U2AF2: variants seen among roughly 807,000 people sequenced by gnomAD.
U2AF2 encodes the protein U2 small nuclear RNA auxiliary factor 2, also known as splicing factor U2AF 65 kDa subunit.
Under a neutral mutation model 52.6 loss-of-function variants are expected in U2AF2, and 6 were observed. The ratio of observed to expected loss-of-function variants is 0.11; its 90% CI spans 0.06 to 0.23. The LOEUF (loss-of-function observed/expected upper bound fraction) is 0.23. Among genes scored for constraint, U2AF2 ranks in the 10% least tolerant of loss-of-function variants. U2AF2 has a pLI of 1.00. For synonymous variants in U2AF2, 284 were observed against 258.2 expected (o/e 1.10, Z -0.96); for missense variants, 222 against 677.1 (o/e 0.33, Z 7.46).
chr19:55,670,699 C>T (rs1984861266), intron 11 of U2AF2: 1 of 213,376 alleles, frequency 4.7e-6, no homozygotes, highest in Non-Finnish European at 9.6e-6. Context: ...AGTGGCAGGC[C>T]TTGGAGGGCT....
At position 55,668,479 on chromosome 19, in the gene U2AF2, T is replaced by A; in HGVS notation, c.743-28T>A. 1 of 1,549,194 alleles carries A rather than the reference T, an allele frequency of 6.5e-7. No individual in the cohort carries two copies. On this transcript the variant is annotated intron_variant, in intron 7 of 11. Coordinates refer to ENST00000308924, the MANE Select transcript of U2AF2 (RefSeq NM_007279.3). This position sits in a 1 kb window ranked among gnomAD's most constrained non-coding sequence, Gnocchi z 5.5. ...TTTGGGAGATAACCTGGTACTGGAA[T>A]TGAAGTCCTCCTCTTCTCTACCCAT...
In U2AF2 at chr19:55,674,047, T is replaced by C. The variant is rs753952875; in HGVS notation, c.1407T>C (p.Tyr469=). 10 of 1,400,690 alleles carry C rather than the reference T, an allele frequency of 7.1e-6. No homozygotes were observed. Among genetic ancestry groups the C allele is most frequent in the South Asian group, 4.5e-5 (4 of 88,186 alleles). The allele number at this position is 1,400,690 out of a possible 1,614,324, so 86.8% of individuals were successfully genotyped here. ...CAAAATACTGTGACCCCGACTCTTA[T>C]CACCGCCGGGACTTCTGGTAGAGGC... ...VVTKYCDPDS[Y]HRRDFW is the part of the protein sequence containing the mutation. The change falls in exon 12 of 12, where the codon TAT becomes TAC. Residue 469 remains tyrosine (Y), a synonymous_variant. Transcript: ENST00000308924.
Position 55,674,460 on chromosome 19 carries a change from T to C in U2AF2, c.*392T>C. On this transcript the variant is annotated 3_prime_UTR_variant, in exon 12 of 12. Transcript: ENST00000308924. ...AGGAACATAGCGTGTTTATATTTTA[T>C]GGCCAAACTATTTTGAATTTTGTTG... 1 of 170,552 alleles carries C rather than the reference T, an allele frequency of 5.9e-6. No homozygotes were observed. The highest frequency in any genetic ancestry group is 1.7e-4 in the East Asian group (1 of 5,778). The allele number at this position is 170,552 out of a possible 1,614,324, so 10.6% of individuals were successfully genotyped here. A position where few individuals can be genotyped will look rare whatever the true frequency, so the allele number is the denominator to read the frequency against.
At chr19:55,669,265 C>T in intron 10 of U2AF2, 84 bp downstream of exon 10, 1 of 1,567,314 alleles carries the variant, frequency 6.4e-7, no homozygotes, top group Non-Finnish European at 8.7e-7. Flanking sequence ...ATCTTTCTCC[C>T]AGCTTTCATG....
At chr19:55,656,439 C>T (rs1336922146) in intron 1 of U2AF2, among the ~76,000 whole-genome samples, 3 of 152,198 alleles carry the variant, frequency 2.0e-5, no homozygotes, top group Non-Finnish European at 4.4e-5. Flanking sequence ...TTGAGCACAT[C>T]AGGAAGTTTA....
chr19:55,660,406 G>T, intron 3 of U2AF2, 110 bp from the exon 4 acceptor site: 3 of 1,110,766 alleles, frequency 2.7e-6, no homozygotes, highest in Non-Finnish European at 4.0e-6. Flanking sequence ...AGAGAGTGGA[G>T]CTTACATGGT....
At chr19:55,671,446 G>A (rs1333702569) in intron 11 of U2AF2, 2 of 152,118 alleles carry the variant, frequency 1.3e-5, no homozygotes, top group African/African-American at 4.8e-5. Flanking sequence ...ACACCCAGTA[G>A]AGATGTCAAG....
At chr19:55,673,846 T>TG in intron 11 of U2AF2, 88 bp from the exon 12 acceptor site, 1 of 1,522,450 alleles carries the variant, frequency 6.6e-7, no homozygotes, top group Non-Finnish European at 8.8e-7. Flanking sequence ...CCCTGTCCCT[T>TG]CCTGCCTTCA....
intron 2 of U2AF2, among the ~76,000 whole-genome samples, 172 bp downstream of exon 2, chr19:55,659,517 AT>A (rs928155670): frequency 7.1e-5 from 10 of 139,942 alleles, no homozygotes; most frequent in African/African-American, 2.2e-4. Flanking sequence ...TTGGATTCCG[AT>A]TTTTTCCCCC....
chr19:55,673,583 C>T (rs1168032534), intron 11 of U2AF2, among the ~76,000 whole-genome samples: 1 of 152,144 alleles, frequency 6.6e-6, no homozygotes, highest in Non-Finnish European at 1.5e-5. Context: ...GTTCTGGGAG[C>T]GCCCACCATG....
intron 9 of U2AF2, 73 bp from the exon 10 acceptor site, chr19:55,669,010 G>A: frequency 6.4e-7 from 1 of 1,551,468 alleles, no homozygotes; most frequent in Non-Finnish European, 8.8e-7. Flanking sequence ...CCGGCTTGGG[G>A]GTAGGTGTCG....
intron 11 of U2AF2, among the ~76,000 whole-genome samples, chr19:55,673,213 C>T (rs1007817317): frequency 6.6e-6 from 1 of 152,192 alleles, no homozygotes; most frequent in Non-Finnish European, 1.5e-5. Flanking sequence ...GCCACTGTGC[C>T]CAGCCGAGGA....
chr19:55,667,513 A>G (rs1209849234), intron 7 of U2AF2, among the ~76,000 whole-genome samples: 1 of 152,164 alleles, frequency 6.6e-6, no homozygotes, highest in African/African-American at 2.4e-5. Context: ...CTGTGAGTCC[A>G]GAGTTCAGTG....
chr19:55,669,312 GA>G (rs1984734342), intron 10 of U2AF2, 131 bp downstream of exon 10: 8 of 1,545,900 alleles, frequency 5.2e-6, no homozygotes, highest in Non-Finnish European at 6.1e-6. Flanking sequence ...CAGTGTTGGG[GA>G]GTCGGGCTTT....
At chr19:55,669,802 C>T (rs536252658) in intron 11 of U2AF2, 110 bp downstream of exon 11, 54 of 1,424,620 alleles carry the variant, frequency 3.8e-5, no homozygotes, top group Non-Finnish European at 3.6e-5. Flanking sequence ...CTTCTCCGCG[C>T]GCTCTTTCTT....
At chr19:55,663,514 TGAAAG>T (rs1241579124) in intron 6 of U2AF2, 87 bp from the exon 7 acceptor site, 2 of 1,526,156 alleles carry the variant, frequency 1.3e-6, no homozygotes, top group Non-Finnish European at 8.8e-7. Context: ...TTCACATGAG[TGAAAG>T]GAAAGAGGAA....
intron 5 of U2AF2, 74 bp downstream of exon 5, chr19:55,661,263 T>TC: frequency 1.4e-6 from 2 of 1,387,616 alleles, no homozygotes; most frequent in Non-Finnish European, 1.9e-6. Context: ...CCATTCCCTT[T>TC]CCCCAACCTG....
intron 11 of U2AF2, among the ~76,000 whole-genome samples, chr19:55,670,224 G>A (rs1305277260): frequency 6.6e-6 from 1 of 151,978 alleles, no homozygotes; most frequent in Non-Finnish European, 1.5e-5. Flanking sequence ...TCAGGTTCTC[G>A]GAGTCTGATT....
At chr19:55,655,999 A>G (rs1474647925) in intron 1 of U2AF2, among the ~76,000 whole-genome samples, 5 of 152,186 alleles carry the variant, frequency 3.3e-5, no homozygotes, top group African/African-American at 1.2e-4. Context: ...ACAGGTTCTG[A>G]GGGAGGAAGA....
Sources: gnomAD v4.1 joint callset for allele counts (sites outside exome capture counted in the v4.1 genomes callset) on GRCh38, gnomAD v4.1.1 for gene constraint, Gnocchi (gnomAD v3.1) non-coding constraint, MANE v1.5 for transcripts, NCBI Gene and HGNC (gene_info 2026-07-23, HGNC 2026-07-21) for gene names.